SCFD2: variants seen among roughly 807,000 people sequenced by gnomAD.
SCFD2 encodes sec1 family domain-containing protein 2.
SCFD2 carries 54 observed loss-of-function variants against 58.9 expected under a neutral mutation model. The ratio of observed to expected loss-of-function variants is 0.92; its 90% CI spans 0.74 to 1.15. The LOEUF is 1.15. Ranked by LOEUF, SCFD2 falls within the 50% of genes most tolerant of loss-of-function variation. The probability of loss-of-function intolerance (pLI) is 0.00; values close to 1 mark genes in which losing one functional copy is unlikely to be tolerated. For synonymous variants in SCFD2, 321 were observed against 335.9 expected (o/e 0.96, Z 0.49); for missense variants, 805 against 836.6 (o/e 0.96, Z 0.47).
intron 4 of SCFD2, among the ~76,000 whole-genome samples, chr4:53,261,761 T>A (rs887624021): frequency 4.6e-5 from 7 of 152,176 alleles, no homozygotes; most frequent in Non-Finnish European, 8.8e-5. Context: ...ACAATTTAAG[T>A]CCATTGTTTC....
At chr4:52,904,464 C>G (rs1377349614) in intron 7 of SCFD2, among the ~76,000 whole-genome samples, 1 of 152,152 alleles carries the variant, frequency 6.6e-6, no homozygotes, top group East Asian at 1.9e-4. Context: ...AATGAAGATG[C>G]AATGTGTACA....
intron 8 of SCFD2, among the ~76,000 whole-genome samples, chr4:52,883,206 T>A (rs1411150355): frequency 6.6e-6 from 1 of 152,176 alleles, no homozygotes; most frequent in Non-Finnish European, 1.5e-5. Flanking sequence ...AGGAAGCTGG[T>A]CATGTCTCAG....
At chr4:53,077,147 T>G (rs562357306) in intron 5 of SCFD2, among the ~76,000 whole-genome samples, 1 of 152,262 alleles carries the variant, frequency 6.6e-6, no homozygotes, top group East Asian at 1.9e-4. Flanking sequence ...CACATTTAAT[T>G]TTAAGATCTC....
chr4:53,364,695 T>C (rs1734642834), intron 1 of SCFD2, among the ~76,000 whole-genome samples: 2 of 150,376 alleles, frequency 1.3e-5, no homozygotes, highest in African/African-American at 4.9e-5. Context: ...TAGTTTTCCT[T>C]CCGCTGGGTC....
In SCFD2 at chr4:52,975,526, T is replaced by C. The variant is rs1721232054; in HGVS notation, c.1562-54656A>G. ...CATTAAAAAGTCAGGAAACAACAGG[T>C]GCTGGAGAGGATGTGGAGAAATAGG... On this transcript the variant is annotated intron_variant, in intron 5 of 8. Transcript: ENST00000401642. Among the ~76,000 whole-genome samples the C allele has an allele frequency of 3.3e-5, 5 of 152,218 alleles. No individual in the cohort carries two copies. In the South Asian group the frequency reaches 1.0e-3, roughly 32 times the overall value.
chr4:53,112,226 G>A (rs1725192805), intron 5 of SCFD2, among the ~76,000 whole-genome samples: 1 of 152,078 alleles, frequency 6.6e-6, no homozygotes, highest in Admixed American at 6.6e-5. Context: ...GAAGGAAAAC[G>A]AAGGGAAAAG....
intron 2 of SCFD2, among the ~76,000 whole-genome samples, chr4:53,349,392 C>G (rs757519004): frequency 6.6e-6 from 1 of 152,246 alleles, no homozygotes; most frequent in Non-Finnish European, 1.5e-5. Context: ...AGCTGCTCCT[C>G]TCTGCAGTTC....
chr4:53,268,185 G>A (rs560525945), intron 4 of SCFD2, among the ~76,000 whole-genome samples: 5 of 152,244 alleles, frequency 3.3e-5, no homozygotes, highest in East Asian at 1.9e-4. Flanking sequence ...AGCCAGAACC[G>A]GGTGAGGAGG....
chr4:52,961,281 G>T (rs1443701516), intron 5 of SCFD2, among the ~76,000 whole-genome samples: 1 of 152,208 alleles, frequency 6.6e-6, no homozygotes, highest in African/African-American at 2.4e-5. Flanking sequence ...TTTTTGGGGG[G>T]CTGCTTGTTC....
chr4:53,070,924 A>G (rs1723795989), intron 5 of SCFD2, among the ~76,000 whole-genome samples: 1 of 152,104 alleles, frequency 6.6e-6, no homozygotes, highest in Admixed American at 6.6e-5. Context: ...TTGCTTACTA[A>G]TGAAACTCTG....
intron 5 of SCFD2, among the ~76,000 whole-genome samples, chr4:52,988,991 T>G (rs1243466648): frequency 6.6e-6 from 1 of 152,202 alleles, no homozygotes; most frequent in African/African-American, 2.4e-5. Flanking sequence ...ATTTTATCCC[T>G]AATAGTTATA....
intron 4 of SCFD2, among the ~76,000 whole-genome samples, chr4:53,164,683 T>A (rs556884411): frequency 1.3e-5 from 2 of 150,686 alleles, no homozygotes; most frequent in African/African-American, 4.9e-5. Context: ...TTCCGGCCAC[T>A]CAGGAGGCTA....
chr4:53,036,456 A>G (rs751829194), intron 5 of SCFD2, among the ~76,000 whole-genome samples: 1 of 151,884 alleles, frequency 6.6e-6, no homozygotes, highest in African/African-American at 2.4e-5. Context: ...ATGTCCATCA[A>G]TAGTAGACCG....
Position 52,902,660 on chromosome 4 carries a change from C to T in SCFD2, c.1842+4797G>A, listed in dbSNP as rs573418084. On this transcript the variant is annotated intron_variant, in intron 7 of 8. Coordinates refer to ENST00000401642, the MANE Select transcript of SCFD2 (RefSeq NM_152540.4). ...AAATACTTACGTAGTACTTACTACG[C>T]GCCAGACACTGTTCTGAGTGCTTTA... is the stretch of plus-strand genomic sequence containing the variant. Among the ~76,000 whole-genome samples, 76 of 152,254 alleles carry T rather than the reference C, an allele frequency of 5.0e-4. 1 individual carries two copies. The highest frequency in any genetic ancestry group is 1.3e-3 in the African/African-American group (55 of 41,522).
intron 4 of SCFD2, among the ~76,000 whole-genome samples, chr4:53,216,879 A>C (rs1728859827): frequency 6.6e-6 from 1 of 152,044 alleles, no homozygotes; most frequent in African/African-American, 2.4e-5. Context: ...AAACATCTTT[A>C]TTTCTGCCTT....
At chr4:53,208,408 T>C (rs545680460) in intron 4 of SCFD2, among the ~76,000 whole-genome samples, 2 of 152,322 alleles carry the variant, frequency 1.3e-5, no homozygotes, top group East Asian at 3.9e-4. Context: ...AATAATCCTG[T>C]ACATGTCACA....
chr4:53,072,112 G>A (rs1723832725), intron 5 of SCFD2, among the ~76,000 whole-genome samples: 1 of 152,040 alleles, frequency 6.6e-6, no homozygotes, highest in Non-Finnish European at 1.5e-5. Context: ...TGGATGATAT[G>A]AGTCCAGAAT....
chr4:53,138,034 A>G (rs1276109570), intron 5 of SCFD2, among the ~76,000 whole-genome samples: 1 of 152,174 alleles, frequency 6.6e-6, no homozygotes, highest in Non-Finnish European at 1.5e-5. Flanking sequence ...CTATGCAAAC[A>G]TTCTCATTGT....
At chr4:53,227,666 A>G (rs1729266995) in intron 4 of SCFD2, among the ~76,000 whole-genome samples, 1 of 152,196 alleles carries the variant, frequency 6.6e-6, no homozygotes, top group Non-Finnish European at 1.5e-5. Context: ...TTCACCCATC[A>G]GTCATAATAT....
Sources: allele counts gnomAD v4.1 joint callset (sites outside exome capture counted in the v4.1 genomes callset), GRCh38; gene constraint gnomAD v4.1.1; transcripts MANE v1.5; gene names NCBI Gene and HGNC (gene_info 2026-07-23, HGNC 2026-07-21).